Variants in ZC3H3 observed in about 807,000 individuals in gnomAD.
ZC3H3 encodes the protein zinc finger CCCH-type containing 3.
ZC3H3 carries 36 observed loss-of-function variants against 77.3 expected under a neutral mutation model. That is an observed-to-expected ratio of 0.47 (90% confidence interval 0.36 to 0.61). The LOEUF (loss-of-function observed/expected upper bound fraction) is 0.61, where lower values mean the gene tolerates loss of function less well. ZC3H3 is among the 20% of genes least tolerant of loss of function. ZC3H3 has a pLI of 0.00. For missense variants in ZC3H3, 1,331 were observed against 1,312.2 expected, an observed-to-expected ratio of 1.01 and a Z score of -0.22; for synonymous variants, 626 against 555.2, an observed-to-expected ratio of 1.13 and a Z score of -1.79.
Position 143,460,589 on chromosome 8 carries a change from GC to G in ZC3H3, c.2307+5127del, listed in dbSNP as rs1820235312. Among the ~76,000 whole-genome samples the G allele has an allele frequency of 6.6e-6, 1 of 152,160 alleles. No individual in the cohort carries two copies. ...TACACCCAAAGGAAGTGAAAGCGGGGCTCAAACAGATACCTGGCTGTCAGGA... is the reference window on the plus strand; with the variant it reads ...TACACCCAAAGGAAGTGAAAGCGGGGTCAAACAGATACCTGGCTGTCAGGA... On this transcript the variant is annotated intron_variant, in intron 9 of 11. Coordinates refer to ENST00000262577, the MANE Select transcript of ZC3H3 (RefSeq NM_015117.3). This position sits in a 1 kb window ranked among gnomAD's most constrained non-coding sequence, Gnocchi z 4.0.
At chr8:143,495,367 T>G (rs1035522655) in intron 4 of ZC3H3, among the ~76,000 whole-genome samples, 1 of 151,892 alleles carries the variant, frequency 6.6e-6, no homozygotes, top group Non-Finnish European at 1.5e-5. Context: ...CAGTGAGACT[T>G]AGAGGCACAG....
chr8:143,539,452 G>A (rs1822937273), intron 1 of ZC3H3, 132 bp from the exon 2 acceptor site: 14 of 983,312 alleles, frequency 1.4e-5, no homozygotes, highest in Non-Finnish European at 1.7e-5. Context: ...AGTTTCAGGA[G>A]GGGCAGCCCC....
chr8:143,470,956 C>T lies in ZC3H3; in HGVS notation c.1904-2297G>A, dbSNP rs551549041. On this transcript the variant is annotated intron_variant, in intron 5 of 11. Transcript: ENST00000262577. ...ATCTTCTCAGAATAGACTCGGCTCC[C>T]ACCAGCCCCACCCCCTGCTCGGTGC... is the stretch of plus-strand genomic sequence containing the variant. 2.6e-5 allele frequency among the ~76,000 whole-genome samples: 4 copies of T among 152,330 alleles called. No individual in the cohort carries two copies. The South Asian group carries it at 8.3e-4, about 32-fold the overall frequency.
intron 11 of ZC3H3, among the ~76,000 whole-genome samples, chr8:143,438,543 C>T (rs1051771528): frequency 6.6e-6 from 1 of 152,070 alleles, no homozygotes; most frequent in Non-Finnish European, 1.5e-5. Flanking sequence ...CAAGCTGTGG[C>T]GGGGAGGGGC....
intron 3 of ZC3H3, among the ~76,000 whole-genome samples, chr8:143,515,942 A>C (rs1822025030): frequency 6.6e-6 from 1 of 152,138 alleles, no homozygotes. Context: ...GGGGTTACCC[A>C]CACTCAGCAC....
At chr8:143,523,603 C>T (rs557916886) in intron 3 of ZC3H3, 8 of 918,000 alleles carry the variant, frequency 8.7e-6, no homozygotes, top group South Asian at 1.0e-4. Flanking sequence ...CCAGGACATC[C>T]GTTTGAGGAC....
At chr8:143,531,132 G>A (rs766206907) in intron 3 of ZC3H3, among the ~76,000 whole-genome samples, 37 of 151,906 alleles carry the variant, frequency 2.4e-4, no homozygotes, top group Non-Finnish European at 4.9e-4. Context: ...GCTAATTCTC[G>A]CATTTTTTGT....
At chr8:143,514,944 G>T (rs1339536361) in intron 3 of ZC3H3, among the ~76,000 whole-genome samples, 1 of 152,224 alleles carries the variant, frequency 6.6e-6, no homozygotes, top group African/African-American at 2.4e-5. Flanking sequence ...ATCTGCTGTG[G>T]TCCTGGGTGT....
intron 3 of ZC3H3, among the ~76,000 whole-genome samples, chr8:143,532,197 C>T (rs1220782602): frequency 6.6e-6 from 1 of 151,028 alleles, no homozygotes; most frequent in Non-Finnish European, 1.5e-5. Context: ...TACTTGGTAT[C>T]TGCTTTCTTT....
chr8:143,528,914 A>G (rs1194921006), intron 3 of ZC3H3, among the ~76,000 whole-genome samples: 1 of 152,226 alleles, frequency 6.6e-6, no homozygotes, highest in Non-Finnish European at 1.5e-5. Flanking sequence ...GGTGCTCCCC[A>G]CAGCACCTTC....
At chr8:143,443,275 A>AC (rs1489224076) in intron 9 of ZC3H3, among the ~76,000 whole-genome samples, 1 of 124,242 alleles carries the variant, frequency 8.0e-6, no homozygotes, top group Non-Finnish European at 1.7e-5. Flanking sequence ...ACAGAGTGAG[A>AC]CCCTGTCTCA....
In ZC3H3 at chr8:143,499,426, C is replaced by A. The variant is rs190646489; in HGVS notation, c.1715+8320G>T. Among the ~76,000 whole-genome samples, 74 of 152,238 alleles carry A rather than the reference C, an allele frequency of 4.9e-4. 2 individuals carry two copies. In the East Asian group the frequency reaches 0.014, roughly 28 times the overall value. On this transcript the variant is annotated intron_variant, in intron 4 of 11. Transcript: ENST00000262577. ...CCCCCTCTGTGCTCTGGCCCTGGGT[C>A]TTGCCCCTCTGTCCTGAGTGGGCAC... is the stretch of plus-strand genomic sequence containing the variant.
chr8:143,512,614 G>A (rs1310637029), intron 3 of ZC3H3, among the ~76,000 whole-genome samples: 1 of 152,204 alleles, frequency 6.6e-6, no homozygotes, highest in Admixed American at 6.5e-5. Flanking sequence ...GAGAGGGCAG[G>A]AGGCCCTGTG....
At chr8:143,514,997 C>G (rs1821988359) in intron 3 of ZC3H3, among the ~76,000 whole-genome samples, 1 of 152,274 alleles carries the variant, frequency 6.6e-6, no homozygotes, top group African/African-American at 2.4e-5. Context: ...AGTGCCCCCA[C>G]CATCCTGCAG....
chr8:143,489,922 G>A (rs1821155552), intron 4 of ZC3H3, among the ~76,000 whole-genome samples: 1 of 152,166 alleles, frequency 6.6e-6, no homozygotes, highest in East Asian at 1.9e-4. Context: ...GGAAAGTGGT[G>A]GGTGCATCCT....
chr8:143,473,488 C>T (rs1586899806), intron 5 of ZC3H3, among the ~76,000 whole-genome samples: 1 of 152,328 alleles, frequency 6.6e-6, no homozygotes, highest in East Asian at 1.9e-4. Context: ...TGCAGGGCAC[C>T]CTCCCACCCA....
At position 143,530,780 on chromosome 8, in the gene ZC3H3, G is replaced by C. The variant is rs1024504132; in HGVS notation, c.1561+5477C>G. Among the ~76,000 whole-genome samples, 1 of 152,160 alleles carries C rather than the reference G, an allele frequency of 6.6e-6. No individual in the cohort carries two copies. Among genetic ancestry groups the C allele is most frequent in the Non-Finnish European group, 1.5e-5 (1 of 68,026 alleles). On this transcript the variant is annotated intron_variant, in intron 3 of 11. Transcript: ENST00000262577. The surrounding 1 kb of genome is among the most constrained non-coding windows in gnomAD (Gnocchi z 4.3). ...CGAGAACACTGATTGCCACAGTTATGTGAGTGGCAAACAGGACACCATTTT... is the reference window on the plus strand; with the variant it reads ...CGAGAACACTGATTGCCACAGTTATCTGAGTGGCAAACAGGACACCATTTT...
intron 4 of ZC3H3, among the ~76,000 whole-genome samples, chr8:143,484,038 G>A (rs867314741): frequency 6.6e-6 from 1 of 151,770 alleles, no homozygotes; most frequent in African/African-American, 2.4e-5. Context: ...TGCACCAGCG[G>A]CCAGGGGCGC....
At chr8:143,478,501 G>A (rs775094398) in intron 4 of ZC3H3, among the ~76,000 whole-genome samples, 15 of 152,192 alleles carry the variant, frequency 9.9e-5, no homozygotes, top group Admixed American at 2.0e-4. Context: ...CCATGCCCCC[G>A]CTCCTTCTTA....
Sources: gnomAD v4.1 joint callset for allele counts (sites outside exome capture counted in the v4.1 genomes callset) on GRCh38, gnomAD v4.1.1 for gene constraint, Gnocchi (gnomAD v3.1) non-coding constraint, MANE v1.5 for transcripts, NCBI Gene and HGNC (gene_info 2026-07-23, HGNC 2026-07-21) for gene names.